UNC80: variants seen among roughly 807,000 people sequenced by gnomAD.
UNC80 encodes protein unc-80 homolog.
Under a neutral mutation model 384.6 loss-of-function variants are expected in UNC80, and 164 were observed. The observed-to-expected ratio is 0.43, with a 90% confidence interval of 0.38 to 0.49. The LOEUF is 0.49. Among genes scored for constraint, UNC80 ranks in the 20% least tolerant of loss-of-function variants. The pLI is 0.00. For synonymous variants in UNC80, 1,486 were observed against 1,527.8 expected (o/e 0.97, Z 0.64); for missense variants, 3,330 against 4,143.0 (o/e 0.80, Z 5.39).
chr2:209,798,722 G>A (rs1357214163), intron 7 of UNC80, among the ~76,000 whole-genome samples: 1 of 150,608 alleles, frequency 6.6e-6, no homozygotes, highest in Non-Finnish European at 1.5e-5. Context: ...CTGTCACCCA[G>A]GCTGGAATGC....
chr2:209,976,765 T>A lies in UNC80; in HGVS notation c.8773-148T>A. On this transcript the variant is annotated intron_variant, in intron 57 of 64. Coordinates refer to ENST00000673920, the MANE Select transcript of UNC80 (RefSeq NM_001371986.1). The surrounding 1 kb of genome is among the most constrained non-coding windows in gnomAD (Gnocchi z 4.3). ...GGGCAGTGATTTAAAACGATGTAAT[T>A]ATTAAGCACTTCCTGTGTAAAGTGC... The A allele has an allele frequency of 6.8e-6, 6 of 888,164 alleles. No homozygotes were observed. Among genetic ancestry groups the A allele is most frequent in the Non-Finnish European group, 9.9e-6 (6 of 608,214 alleles). The allele number at this position is 888,164 out of a possible 1,614,324, so 55.0% of individuals were successfully genotyped here.
In UNC80 at chr2:209,993,408, C is replaced by G. The variant is rs1378504711; in HGVS notation, c.9490C>G (p.Pro3164Ala). ...RLSTTRRSIQ[P>A]KTKPSADQKR... ...GTCAACCACTCGCAGGAGCATTCAA[C>G]CTAAAACGAAGCCGTCTGGTGAGGC... Residue 3164 changes from proline (P) to alanine (A), a missense_variant, in exon 63 of 65, where the codon CCT becomes GCT. Pro to Ala is a conservative substitution (Grantham distance 27, BLOSUM62 -1). Transcript: ENST00000673920. The G allele has an allele frequency of 6.4e-7, 1 of 1,551,550 alleles. No homozygotes were observed. Among genetic ancestry groups the G allele is most frequent in the Non-Finnish European group, 8.7e-7 (1 of 1,146,966 alleles).
chr2:209,941,127 AC>A (rs1257381174), intron 43 of UNC80, 93 bp from the exon 44 acceptor site: 90 of 1,394,088 alleles, frequency 6.5e-5, no homozygotes, highest in Non-Finnish European at 8.2e-5. Flanking sequence ...GCTGGAACAA[AC>A]GGAGAACAGC....
intron 7 of UNC80, among the ~76,000 whole-genome samples, chr2:209,804,191 A>T (rs996860740): frequency 1.3e-5 from 2 of 152,214 alleles, no homozygotes; most frequent in African/African-American, 4.8e-5. Flanking sequence ...CCCAACATAC[A>T]GTGGTAAAAT....
At chr2:209,985,133 C>G (rs1044915291) in intron 61 of UNC80, among the ~76,000 whole-genome samples, 32 of 152,286 alleles carry the variant, frequency 2.1e-4, no homozygotes, top group African/African-American at 6.5e-4. Flanking sequence ...ATCAAGTAAG[C>G]CTGAAAAGCT....
chr2:209,887,110 C>T (rs1297771198), intron 25 of UNC80, among the ~76,000 whole-genome samples: 1 of 152,158 alleles, frequency 6.6e-6, no homozygotes, highest in Middle Eastern at 3.2e-3. Context: ...AATCTCAGCT[C>T]ACCACAACCT....
At chr2:209,943,279 G>T (rs1162423770) in intron 44 of UNC80, 101 bp from the exon 45 acceptor site, 10 of 1,424,920 alleles carry the variant, frequency 7.0e-6, no homozygotes, top group Middle Eastern at 1.8e-4. Context: ...TACAAAGTTA[G>T]CCATTTCCCT....
intron 16 of UNC80, among the ~76,000 whole-genome samples, chr2:209,832,398 G>A (rs1489899796): frequency 6.6e-6 from 1 of 152,006 alleles, no homozygotes; most frequent in Non-Finnish European, 1.5e-5. Context: ...AATCTAACAT[G>A]AATAGGTGAA....
chr2:209,909,571 A>T (rs1046808158), intron 29 of UNC80, among the ~76,000 whole-genome samples: 1 of 152,328 alleles, frequency 6.6e-6, no homozygotes, highest in African/African-American at 2.4e-5. Context: ...CACAGCAACC[A>T]TCACTAAATG....
intron 7 of UNC80, among the ~76,000 whole-genome samples, chr2:209,806,566 G>A (rs961432953): frequency 1.3e-5 from 2 of 152,184 alleles, no homozygotes; most frequent in African/African-American, 4.8e-5. Flanking sequence ...TGGAAATGAT[G>A]CAAAGTAAAA....
At position 209,976,964 on chromosome 2, in the gene UNC80, A is replaced by G. The variant is rs545874590; in HGVS notation, c.8824A>G (p.Ile2942Val). ...NHEELSARQHIADQLERRFIP... is the reference protein window; with the variant it reads ...NHEELSARQHVADQLERRFIP... ...TGAAGAGCTTTCCGCCCGGCAACAT[A>G]TTGCCGACCAGCTGGAGCGGCGCTT... The change falls in exon 58 of 65, where the codon ATT becomes GTT. Residue 2942 changes from isoleucine (I) to valine (V), a missense_variant. Physicochemically the swap from Ile to Val is conservative, Grantham distance 29 (BLOSUM62 3). Transcript: ENST00000673920. The surrounding 1 kb of genome is among the most constrained non-coding windows in gnomAD (Gnocchi z 4.3). 1.5e-3 allele frequency: 2,353 copies of G among 1,532,534 alleles called. 47 individuals carry two copies. In the South Asian group the frequency reaches 0.026, roughly 17 times the overall value. 94.9% of individuals were successfully genotyped at this position (1,532,534 alleles called of 1,614,324 possible). A position where few individuals can be genotyped will look rare whatever the true frequency, so the allele number is the denominator to read the frequency against.
chr2:209,859,593 T>C (rs2083203429), intron 22 of UNC80, among the ~76,000 whole-genome samples: 1 of 152,244 alleles, frequency 6.6e-6, no homozygotes, highest in Non-Finnish European at 1.5e-5. Flanking sequence ...TCTAGATCCT[T>C]GAGGAATCAC....
intron 27 of UNC80, among the ~76,000 whole-genome samples, chr2:209,895,076 G>A (rs1017841497): frequency 6.6e-6 from 1 of 152,182 alleles, no homozygotes; most frequent in Non-Finnish European, 1.5e-5. Flanking sequence ...TACAGTCAAA[G>A]CATGAGAGTT....
At chr2:209,977,147 T>G in intron 58 of UNC80, 69 bp downstream of exon 58, 1 of 1,355,540 alleles carries the variant, frequency 7.4e-7, no homozygotes, top group Non-Finnish European at 9.7e-7. Flanking sequence ...AGAATCCCTC[T>G]GTCCAGGTCA....
At position 209,820,465 on chromosome 2, in the gene UNC80, C is replaced by A. The variant is rs761139236; in HGVS notation, c.2117C>A (p.Thr706Asn). The change falls in exon 13 of 65, where the codon ACC becomes AAC. Residue 706 changes from threonine to asparagine, a missense_variant. Physicochemically the swap from Thr to Asn is moderately conservative, Grantham distance 65. Coordinates refer to ENST00000673920, the MANE Select transcript of UNC80 (RefSeq NM_001371986.1). Reference protein sequence around the residue: ...RKKSENKENETLEKRPSEGAF... With the variant: ...RKKSENKENENLEKRPSEGAF... The stretch of plus-strand genomic sequence containing the variant: ...AAGAGTGAAAACAAGGAAAATGAGA[C>A]CTTGGAAAAGAGGCCAAGTGAGGGA... The A allele has an allele frequency of 6.4e-7, 1 of 1,551,588 alleles. No homozygotes were observed.
At chr2:209,978,449 T>C (rs1575205213) in intron 58 of UNC80, 80 bp from the exon 59 acceptor site, 1 of 1,244,376 alleles carries the variant, frequency 8.0e-7, no homozygotes, top group East Asian at 2.7e-5. Context: ...TCCTAAAAAA[T>C]ACAAGTGGTC....
At chr2:209,930,581 A>G (rs1190923902) in intron 37 of UNC80, among the ~76,000 whole-genome samples, 2 of 152,174 alleles carry the variant, frequency 1.3e-5, no homozygotes, top group Middle Eastern at 3.2e-3. Context: ...TCACAAAAAC[A>G]TGGTTTGTTT....
chr2:209,923,490 T>C (rs1049546643), intron 35 of UNC80, among the ~76,000 whole-genome samples: 2 of 152,158 alleles, frequency 1.3e-5, no homozygotes, highest in African/African-American at 4.8e-5. Flanking sequence ...TTGAATTTTC[T>C]TGGCACCTTT....
chr2:209,950,580 G>T, intron 47 of UNC80, among the ~76,000 whole-genome samples: 2 of 144,116 alleles, frequency 1.4e-5, no homozygotes. Context: ...TTTTTTTAAC[G>T]GAGTTTTCGT....
Sources: allele counts gnomAD v4.1 joint callset (sites outside exome capture counted in the v4.1 genomes callset), GRCh38; gene constraint gnomAD v4.1.1; non-coding constraint Gnocchi (gnomAD v3.1); transcripts MANE v1.5; gene names NCBI Gene and HGNC (gene_info 2026-07-23, HGNC 2026-07-21).